SCD5: variants seen among roughly 807,000 people sequenced by gnomAD.
SCD5 encodes the protein acyl-CoA-desaturase 4.
A neutral mutation model predicts 30.4 loss-of-function variants in SCD5; 20 were observed. That is an observed-to-expected ratio of 0.66 (90% CI 0.46 to 0.96). SCD5 has a LOEUF of 0.96. SCD5 is among the 40% of genes least tolerant of loss of function. The pLI is 0.00. For synonymous variants in SCD5, 173 were observed against 176.4 expected (o/e 0.98, Z 0.16); for missense variants, 381 against 443.3 (o/e 0.86, Z 1.26).
chr4:82,659,561 G>C (rs866525523), intron 3 of SCD5, among the ~76,000 whole-genome samples: 2 of 152,074 alleles, frequency 1.3e-5, no homozygotes, highest in South Asian at 2.1e-4. Flanking sequence ...AAAGAACTTA[G>C]TTATTTCTGC....
Position 82,782,043 on chromosome 4 carries a change from C to T in SCD5, c.232+16263G>A, listed in dbSNP as rs138421717. On this transcript the variant is annotated intron_variant, in intron 1 of 4. Transcript: ENST00000319540. ...AACATCTAGAGCCTGGCTGTCTTTC[C>T]GCCCATTTGTCAGTGGCTCAGAAAC... Among the ~76,000 whole-genome samples, 431 of 151,592 alleles carry T rather than the reference C, an allele frequency of 2.8e-3. 2 individuals are homozygous for T. The highest frequency in any genetic ancestry group is 9.8e-3 in the African/African-American group (403 of 41,272).
Position 82,664,999 on chromosome 4 carries a change from C to CTATATATATATA in SCD5, c.569+15696_569+15707dup, listed in dbSNP as rs70964800. Among the ~76,000 whole-genome samples the CTATATATATATA allele has an allele frequency of 3.3e-3, 230 of 70,438 alleles. 5 individuals are homozygous for CTATATATATATA. Among genetic ancestry groups the CTATATATATATA allele is most frequent in the African/African-American group, 9.0e-3 (120 of 13,334 alleles). The allele number at this position is 70,438 out of a possible 152,430, so 46.2% of individuals were successfully genotyped here. On this transcript the variant is annotated intron_variant, in intron 3 of 4. Coordinates refer to ENST00000319540, the MANE Select transcript of SCD5 (RefSeq NM_001037582.3). ...TCTCTCTCTCTCTCTCTCTCTCTCTCTATATATATATATATATATATGTAT... is the reference window on the plus strand; with the variant it reads ...TCTCTCTCTCTCTCTCTCTCTCTCTCTATATATATATATATATATATATATATATATATGTAT...
At chr4:82,720,441 T>TAAAAAAAAAAAAAAAAAAAAAAAAAAA (rs1553917690) in intron 1 of SCD5, among the ~76,000 whole-genome samples, 1 of 77,940 alleles carries the variant, frequency 1.3e-5, no homozygotes, top group Non-Finnish European at 2.4e-5. Flanking sequence ...AAGGCAAAAA[T>TAAAAAAAAAAAAAAAAAAAAAAAAAAA]AAAAAAAAAA....
At chr4:82,749,988 C>T (rs373684427) in intron 1 of SCD5, among the ~76,000 whole-genome samples, 4 of 152,306 alleles carry the variant, frequency 2.6e-5, no homozygotes, top group African/African-American at 7.2e-5. Flanking sequence ...CCCAGCTCTA[C>T]GTTTATTAGC....
At chr4:82,683,438 T>C (rs1386349183) in intron 2 of SCD5, among the ~76,000 whole-genome samples, 2 of 152,238 alleles carry the variant, frequency 1.3e-5, no homozygotes. Context: ...AATTAAAGCT[T>C]AGAGGACATT....
intron 1 of SCD5, among the ~76,000 whole-genome samples, chr4:82,735,078 C>T (rs932453654): frequency 3.3e-5 from 5 of 152,098 alleles, no homozygotes; most frequent in African/African-American, 1.2e-4. Context: ...CTGAGCTCAA[C>T]AATTTTTCAT....
chr4:82,667,110 T>C (rs887767729), intron 3 of SCD5, among the ~76,000 whole-genome samples: 78 of 152,260 alleles, frequency 5.1e-4, no homozygotes, highest in African/African-American at 1.8e-3. Context: ...TTGACACCTG[T>C]TGATTAATAT....
At chr4:82,731,643 CAG>C (rs1720645287) in intron 1 of SCD5, among the ~76,000 whole-genome samples, 1 of 152,238 alleles carries the variant, frequency 6.6e-6, no homozygotes, top group Non-Finnish European at 1.5e-5. Context: ...GCATCCCACA[CAG>C]AGCTTGCCCA....
intron 1 of SCD5, among the ~76,000 whole-genome samples, chr4:82,793,619 T>C (rs1304104502): frequency 6.6e-6 from 1 of 152,222 alleles, no homozygotes; most frequent in Admixed American, 6.5e-5. Context: ...AAGGGGCCAG[T>C]ATTAGGACCA....
At chr4:82,679,600 A>G (rs1255667094) in intron 3 of SCD5, among the ~76,000 whole-genome samples, 6 of 152,124 alleles carry the variant, frequency 3.9e-5, no homozygotes, top group African/African-American at 1.4e-4. Context: ...TGTTACTCCC[A>G]TTTTATAGAT....
At chr4:82,721,182 AAAC>A (rs924203018) in intron 1 of SCD5, among the ~76,000 whole-genome samples, 6 of 152,070 alleles carry the variant, frequency 3.9e-5, no homozygotes, top group African/African-American at 1.4e-4. Flanking sequence ...AAAAACAAAC[AAAC>A]AAACAAACAA....
At chr4:82,730,259 A>T (rs1301005907) in intron 1 of SCD5, among the ~76,000 whole-genome samples, 1 of 90,418 alleles carries the variant, frequency 1.1e-5, no homozygotes. Flanking sequence ...AATATATTAT[A>T]CATTTATATA....
chr4:82,656,349 C>A (rs1727867977), intron 3 of SCD5, among the ~76,000 whole-genome samples: 1 of 152,102 alleles, frequency 6.6e-6, no homozygotes, highest in Admixed American at 6.6e-5. Context: ...GGAGAACATG[C>A]AGTGCTTGGT....
At chr4:82,641,253 CAAAAAAAAA>C (rs10708492) in intron 3 of SCD5, among the ~76,000 whole-genome samples, 2 of 52,190 alleles carry the variant, frequency 3.8e-5, no homozygotes, top group Non-Finnish European at 6.8e-5. Context: ...AACTCCATCT[CAAAAAAAAA>C]AAAAAAAAAA....
rs138313065 is a variant in SCD5, at chr4:82,768,855, G to A, written c.232+29451C>T. Among the ~76,000 whole-genome samples the A allele has an allele frequency of 1.4e-3, 210 of 152,202 alleles. No individual in the cohort carries two copies. The East Asian group carries it at 0.036, about 26-fold the overall frequency. On this transcript the variant is annotated intron_variant, in intron 1 of 4. Coordinates refer to ENST00000319540, the MANE Select transcript of SCD5 (RefSeq NM_001037582.3). Reference sequence around the variant, plus strand: ...AAGAGGTGCAGGCAGATTATGAGAGGTGTAGTGTGAAGGTGGAAGGCTCAG... The same window carrying A: ...AAGAGGTGCAGGCAGATTATGAGAGATGTAGTGTGAAGGTGGAAGGCTCAG...
In SCD5 at chr4:82,739,455, G is replaced by A. The variant is rs541823618; in HGVS notation, c.233-34042C>T. 1.1e-3 allele frequency among the ~76,000 whole-genome samples: 162 copies of A among 152,370 alleles called. 2 individuals carry two copies. The highest frequency in any genetic ancestry group is 4.4e-3 in the Admixed American group (67 of 15,306). On this transcript the variant is annotated intron_variant, in intron 1 of 4. Transcript: ENST00000319540. ...TGGTAATGCCCACGTACTGGTGCCA[G>A]CAGTGTGGGTGCAGCACCCCCTGCC...
intron 3 of SCD5, among the ~76,000 whole-genome samples, chr4:82,679,558 T>C (rs190607874): frequency 3.9e-4 from 60 of 152,328 alleles, no homozygotes; most frequent in Non-Finnish European, 7.3e-4. Context: ...TTTAAAAATA[T>C]CTTCATAAAA....
chr4:82,706,915 G>A (rs1038141001), intron 1 of SCD5, among the ~76,000 whole-genome samples: 1 of 152,236 alleles, frequency 6.6e-6, no homozygotes, highest in Non-Finnish European at 1.5e-5. Context: ...TTCTGCTGAA[G>A]CTCTTGGGAG....
At chr4:82,738,146 C>T (rs1427418048) in intron 1 of SCD5, among the ~76,000 whole-genome samples, 1 of 152,182 alleles carries the variant, frequency 6.6e-6, no homozygotes, top group African/African-American at 2.4e-5. Context: ...CACGGCCGGG[C>T]CCAGTGGCTC....
Sources: gnomAD v4.1 joint callset for allele counts (sites outside exome capture counted in the v4.1 genomes callset) on GRCh38, gnomAD v4.1.1 for gene constraint, MANE v1.5 for transcripts, NCBI Gene and HGNC (gene_info 2026-07-23, HGNC 2026-07-21) for gene names.